The following FYB2 variants were observed in gnomAD, a reference collection of about 807,000 sequenced individuals.
FYB2 encodes FYN binding protein 2.
FYB2 carries 103 observed loss-of-function variants against 94.1 expected under a neutral mutation model. The observed-to-expected ratio is 1.09, with a 90% CI of 0.93 to 1.29. The LOEUF is 1.29. Ranked by LOEUF, FYB2 falls within the 50% of genes most tolerant of loss-of-function variation. The pLI, the probability that FYB2 is intolerant of heterozygous loss-of-function variation, is 0.00. For missense variants in FYB2, 896 were observed against 841.5 expected (o/e 1.06, Z -0.80); for synonymous variants, 293 against 287.9 (o/e 1.02, Z -0.18).
At chr1:56,786,794 G>C (rs1002850245) in intron 4 of FYB2, among the ~76,000 whole-genome samples, 4 of 152,142 alleles carry the variant, frequency 2.6e-5, no homozygotes, top group African/African-American at 9.7e-5. Flanking sequence ...AAAATTCTTA[G>C]AAGGAGTACA....
intron 15 of FYB2, among the ~76,000 whole-genome samples, 184 bp from the exon 16 acceptor site, chr1:56,726,767 T>C (rs1385542527): frequency 6.6e-6 from 1 of 152,130 alleles, no homozygotes; most frequent in African/African-American, 2.4e-5. Context: ...ATTATCTCTA[T>C]GGCAGCTCTT....
chr1:56,777,431 A>T (rs1645906863), intron 4 of FYB2, among the ~76,000 whole-genome samples: 2 of 152,124 alleles, frequency 1.3e-5, no homozygotes, highest in Non-Finnish European at 2.9e-5. Context: ...TAATTCATTC[A>T]ATTTAAACAC....
At chr1:56,737,243 T>C in intron 14 of FYB2, 96 bp from the exon 15 acceptor site, 1 of 882,758 alleles carries the variant, frequency 1.1e-6, no homozygotes, top group Non-Finnish European at 1.7e-6. Context: ...ATTATCCAGG[T>C]GCATCTTCAG....
chr1:56,766,508 A>G (rs857097), intron 5 of FYB2, among the ~76,000 whole-genome samples: 49,949 of 151,222 alleles, frequency 0.33, 8,945 homozygotes, highest in African/African-American at 0.46. Context: ...ATCTCGGCTC[A>G]TTGCAAGCTC....
rs569537110 is a variant in FYB2, at chr1:56,805,103, G to A, written c.10-12300C>T. Among the ~76,000 whole-genome samples, 7 of 152,272 alleles carry A rather than the reference G, an allele frequency of 4.6e-5. No individual in the cohort carries two copies. In the South Asian group the frequency reaches 1.5e-3, roughly 32 times the overall value. On this transcript the variant is annotated intron_variant, in intron 1 of 19. Coordinates refer to ENST00000343433, the MANE Select transcript of FYB2 (RefSeq NM_001004303.5). ...AGTTCTTAGGTTGGGCCAACTGTCT[G>A]TACTTGCTCCATTTTAGTACCTTCT...
At chr1:56,726,939 A>AGTTTT (rs1347513403) in intron 15 of FYB2, among the ~76,000 whole-genome samples, 9 of 111,832 alleles carry the variant, frequency 8.0e-5, no homozygotes, top group Non-Finnish European at 1.2e-4. Flanking sequence ...TATGAGCCTC[A>AGTTTT]GTTTTGTTTT....
chr1:56,783,159 T>C (rs184707817), intron 4 of FYB2, among the ~76,000 whole-genome samples: 5 of 152,330 alleles, frequency 3.3e-5, no homozygotes, highest in East Asian at 1.9e-4. Context: ...CTGAGACTCA[T>C]TGAGTTTGTG....
chr1:56,776,848 G>A (rs2100868617), intron 4 of FYB2, among the ~76,000 whole-genome samples: 1 of 152,160 alleles, frequency 6.6e-6, no homozygotes, highest in Admixed American at 6.5e-5. Context: ...TACAACATCG[G>A]AATTCCACTT....
chr1:56,819,513 C>G (rs1646963281), upstream of FYB2: 1 of 620,810 alleles, frequency 1.6e-6, no homozygotes, highest in Non-Finnish European at 2.8e-6. Flanking sequence ...TGGCTTAGAC[C>G]AGCACCTGCA....
chr1:56,788,543 A>C (rs990995788), intron 3 of FYB2, among the ~76,000 whole-genome samples: 2 of 152,168 alleles, frequency 1.3e-5, no homozygotes, highest in Non-Finnish European at 2.9e-5. Context: ...AATTACCAAA[A>C]GCAGATTATG....
chr1:56,799,793 C>G (rs1424970554), intron 1 of FYB2, among the ~76,000 whole-genome samples: 1 of 152,190 alleles, frequency 6.6e-6, no homozygotes, highest in Non-Finnish European at 1.5e-5. Flanking sequence ...CTAGGTAACC[C>G]TCTCTATGTC....
At chr1:56,747,877 G>T (rs1018382734) in intron 9 of FYB2, among the ~76,000 whole-genome samples, 1 of 152,220 alleles carries the variant, frequency 6.6e-6, no homozygotes, top group Middle Eastern at 3.4e-3. Context: ...CAGTGTAAAA[G>T]CATTCCTATT....
chr1:56,734,982 AG>A (rs1188278402), intron 15 of FYB2, among the ~76,000 whole-genome samples: 1 of 152,134 alleles, frequency 6.6e-6, no homozygotes, highest in East Asian at 1.9e-4. Context: ...AAGGATGTGG[AG>A]AATAGGAAAT....
At chr1:56,723,715 C>G in intron 16 of FYB2, 34 bp from the exon 17 acceptor site, 1 of 1,268,608 alleles carries the variant, frequency 7.9e-7, no homozygotes, top group African/African-American at 1.5e-5. Context: ...GTAAAACGTA[C>G]TATAATAAAA....
intron 14 of FYB2, among the ~76,000 whole-genome samples, chr1:56,738,273 G>A (rs1175287218): frequency 6.6e-6 from 1 of 152,076 alleles, no homozygotes; most frequent in Admixed American, 6.6e-5. Flanking sequence ...AAGGCAGTAT[G>A]GTAGAATGCA....
chr1:56,764,205 C>T lies in FYB2; in HGVS notation c.1063+3624G>A, dbSNP rs191724260. On this transcript the variant is annotated intron_variant, in intron 5 of 19. Coordinates refer to ENST00000343433, the MANE Select transcript of FYB2 (RefSeq NM_001004303.5). ...CTGACCTTAGGTGATCCACTCGCCT[C>T]GGCCTTCCAGAGTGCTGGGATTACA... Among the ~76,000 whole-genome samples, 237 of 152,206 alleles carry T rather than the reference C, an allele frequency of 1.6e-3. 2 individuals are homozygous for T. The highest frequency in any genetic ancestry group is 5.6e-3 in the African/African-American group (232 of 41,538).
chr1:56,748,361 T>C (rs546629630), intron 9 of FYB2, among the ~76,000 whole-genome samples: 3 of 151,928 alleles, frequency 2.0e-5, no homozygotes, highest in Admixed American at 6.6e-5. Flanking sequence ...GTTTTCTTCT[T>C]GGGTTTTTAT....
intron 4 of FYB2, among the ~76,000 whole-genome samples, 177 bp from the exon 5 acceptor site, chr1:56,768,115 G>A (rs1354951202): frequency 6.6e-6 from 1 of 152,136 alleles, no homozygotes; most frequent in Admixed American, 6.5e-5. Flanking sequence ...GATGAAAGAT[G>A]GCAATGCAAA....
chr1:56,778,492 C>A (rs995108634), intron 4 of FYB2, among the ~76,000 whole-genome samples: 15 of 152,114 alleles, frequency 9.9e-5, no homozygotes, highest in African/African-American at 3.6e-4. Context: ...TACAAAAACA[C>A]TGGGAACTCT....
Sources: gnomAD v4.1 joint callset for allele counts (sites outside exome capture counted in the v4.1 genomes callset) on GRCh38, gnomAD v4.1.1 for gene constraint, MANE v1.5 for transcripts, NCBI Gene and HGNC (gene_info 2026-07-23, HGNC 2026-07-21) for gene names.